The following CALCRL variants were observed in gnomAD, a reference collection of about 807,000 sequenced individuals.
CALCRL encodes the protein calcitonin receptor like receptor, also known as calcitonin gene-related peptide type 1 receptor.
CALCRL carries 27 observed loss-of-function variants against 60.4 expected under a neutral mutation model. The observed-to-expected ratio is 0.45, with a 90% CI of 0.33 to 0.62. CALCRL has a LOEUF of 0.62. CALCRL is among the 20% of genes least tolerant of loss of function. The probability of loss-of-function intolerance (pLI) is 0.03; values close to 1 mark genes in which losing one functional copy is unlikely to be tolerated. For missense variants in CALCRL, 424 were observed against 540.7 expected, an observed-to-expected ratio of 0.78 and a Z score of 2.14; for synonymous variants, 190 against 182.6, an observed-to-expected ratio of 1.04 and a Z score of -0.33.
At chr2:187,431,415 G>A (rs75146593) in intron 1 of CALCRL, 1,655 of 154,824 alleles carry the variant, frequency 0.011, 32 homozygotes, top group African/African-American at 0.038. Flanking sequence ...ATGAGTGGAT[G>A]GTGGGATTTC....
chr2:187,403,812 C>T (rs986419484), intron 1 of CALCRL, among the ~76,000 whole-genome samples: 12 of 151,778 alleles, frequency 7.9e-5, no homozygotes, highest in Admixed American at 1.3e-4. Flanking sequence ...ACATACCAAA[C>T]GCAGCTTATT....
At chr2:187,373,981 TC>T (rs1559048774) in intron 8 of CALCRL, among the ~76,000 whole-genome samples, 1 of 151,918 alleles carries the variant, frequency 6.6e-6, no homozygotes, top group East Asian at 1.9e-4. Context: ...GGCAATATAA[TC>T]AAACCCTATC....
At chr2:187,380,012 A>G (rs1253755228) in intron 7 of CALCRL, among the ~76,000 whole-genome samples, 1 of 152,166 alleles carries the variant, frequency 6.6e-6, no homozygotes, top group Non-Finnish European at 1.5e-5. Flanking sequence ...GTAGTGTTTA[A>G]GGATGCGATA....
chr2:187,439,502 C>A (rs1252005376), intron 1 of CALCRL, among the ~76,000 whole-genome samples: 4 of 151,102 alleles, frequency 2.6e-5, no homozygotes, highest in Admixed American at 6.6e-5. Flanking sequence ...AACAAACAAA[C>A]AAAAAACCAA....
chr2:187,383,144 T>G, intron 5 of CALCRL, 29 bp downstream of exon 5: 2 of 1,599,618 alleles, frequency 1.3e-6, no homozygotes, highest in Non-Finnish European at 1.7e-6. Context: ...ATATGTCAAA[T>G]GCATTTACAA....
chr2:187,420,589 A>G (rs1689826003), intron 1 of CALCRL, among the ~76,000 whole-genome samples: 1 of 152,154 alleles, frequency 6.6e-6, no homozygotes, highest in African/African-American at 2.4e-5. Context: ...TGGAAGTCCA[A>G]AATTGATGGT....
intron 1 of CALCRL, among the ~76,000 whole-genome samples, chr2:187,419,361 C>A (rs919401694): frequency 6.6e-6 from 1 of 152,104 alleles, no homozygotes; most frequent in Non-Finnish European, 1.5e-5. Context: ...TATGCAAACA[C>A]CCCTGTGAGG....
chr2:187,383,359 G>A, intron 4 of CALCRL, 54 bp from the exon 5 acceptor site: 2 of 1,485,620 alleles, frequency 1.3e-6, no homozygotes, highest in South Asian at 2.5e-5. Flanking sequence ...TTATGAAAAT[G>A]TGTTTGTCAA....
Position 187,343,339 on chromosome 2 carries a change from A to G in CALCRL, c.*2845T>C, listed in dbSNP as rs1009150261. 1 of 151,872 alleles carries G rather than the reference A, an allele frequency of 6.6e-6. No individual in the cohort carries two copies. Among genetic ancestry groups the G allele is most frequent in the Non-Finnish European group, 1.5e-5 (1 of 67,562 alleles). The allele number at this position is 151,872 out of a possible 1,614,324, so 9.4% of individuals were successfully genotyped here. On this transcript the variant is annotated 3_prime_UTR_variant, in exon 15 of 15. Coordinates refer to ENST00000392370, the MANE Select transcript of CALCRL (RefSeq NM_005795.6). Reference sequence around the variant, plus strand: ...ATATTTTCATACAATCAAAAAATAGAGATATACTCTAGGCATAACATAAAT... The same window carrying G: ...ATATTTTCATACAATCAAAAAATAGGGATATACTCTAGGCATAACATAAAT...
chr2:187,413,867 G>A (rs1689471512), intron 1 of CALCRL, among the ~76,000 whole-genome samples: 1 of 152,048 alleles, frequency 6.6e-6, no homozygotes, highest in African/African-American at 2.4e-5. Flanking sequence ...CATTGATTGA[G>A]GCTGTATTGT....
Position 187,351,187 on chromosome 2 carries a change from A to G in CALCRL, c.1170+733T>C, listed in dbSNP as rs1686513224. Among the ~76,000 whole-genome samples, 2 of 11,728 alleles carry G rather than the reference A, an allele frequency of 1.7e-4. 1 individual carries two copies. Among genetic ancestry groups the G allele is most frequent in the South Asian group, 3.8e-3 (2 of 528 alleles). 7.7% of individuals were successfully genotyped at this position (11,728 alleles called of 152,430 possible). The stretch of plus-strand genomic sequence containing the variant: ...GTAGTCCCAGCTACTCGGGAGGCTG[A>G]GGCAGGAGAATGGCGTGAACCTGGG... On this transcript the variant is annotated intron_variant, in intron 14 of 14. Coordinates refer to ENST00000392370, the MANE Select transcript of CALCRL (RefSeq NM_005795.6).
intron 1 of CALCRL, among the ~76,000 whole-genome samples, chr2:187,421,372 C>T (rs1323548717): frequency 2.0e-5 from 3 of 152,132 alleles, no homozygotes; most frequent in Non-Finnish European, 4.4e-5. Context: ...TTATTTGCAC[C>T]TCAGAACATG....
chr2:187,353,217 A>AT (rs910932637), intron 12 of CALCRL, among the ~76,000 whole-genome samples: 24 of 151,744 alleles, frequency 1.6e-4, no homozygotes, highest in African/African-American at 5.8e-4. Flanking sequence ...ACTTTGGTCC[A>AT]TTTTCTCTAT....
chr2:187,416,958 T>C (rs1454415091), intron 1 of CALCRL, among the ~76,000 whole-genome samples: 2 of 152,106 alleles, frequency 1.3e-5, no homozygotes, highest in Non-Finnish European at 2.9e-5. Context: ...AAAAAATAAA[T>C]GCACTAAATA....
chr2:187,346,169 A>G lies in CALCRL; in HGVS notation c.*15T>C, dbSNP rs192848670. Reference sequence around the variant, plus strand: ...AGGAGAAGCACAAAACAGTGAGACAACCATCCTTCTATTTTCAATTATATA... The same window carrying G: ...AGGAGAAGCACAAAACAGTGAGACAGCCATCCTTCTATTTTCAATTATATA... On this transcript the variant is annotated 3_prime_UTR_variant, in exon 15 of 15. Transcript: ENST00000392370. 7.0e-5 allele frequency: 106 copies of G among 1,515,476 alleles called. No homozygotes were observed. In the African/African-American group the frequency reaches 1.1e-3, roughly 16 times the overall value. The allele number at this position is 1,515,476 out of a possible 1,614,324, so 93.9% of individuals were successfully genotyped here.
intron 1 of CALCRL, among the ~76,000 whole-genome samples, chr2:187,439,502 C>CA (rs1220365788): frequency 6.6e-6 from 1 of 151,102 alleles, no homozygotes; most frequent in African/African-American, 2.4e-5. Context: ...AACAAACAAA[C>CA]AAAAAACCAA....
rs533934717 is a variant in CALCRL, at chr2:187,373,765, T to C, written c.500+5175A>G. ...GTAGATACTAATATGATCTGCATTT[T>C]TAATATGTATAACTGAGGATTAGAA... On this transcript the variant is annotated intron_variant, in intron 8 of 14. Coordinates refer to ENST00000392370, the MANE Select transcript of CALCRL (RefSeq NM_005795.6). Among the ~76,000 whole-genome samples the C allele has an allele frequency of 4.6e-5, 7 of 152,308 alleles. No homozygotes were observed. The East Asian group carries it at 1.2e-3, about 25-fold the overall frequency.
At chr2:187,365,250 C>A (rs1473739231) in intron 8 of CALCRL, among the ~76,000 whole-genome samples, 1 of 152,100 alleles carries the variant, frequency 6.6e-6, no homozygotes, top group Non-Finnish European at 1.5e-5. Context: ...ATGTTCTTTT[C>A]AAATCAGTTA....
intron 9 of CALCRL, among the ~76,000 whole-genome samples, chr2:187,360,997 T>A (rs73979871): frequency 1.2e-4 from 18 of 152,172 alleles, no homozygotes; most frequent in African/African-American, 4.3e-4. Context: ...CTAAATCTAC[T>A]TTATTTAGTG....
Sources: allele counts gnomAD v4.1 joint callset (sites outside exome capture counted in the v4.1 genomes callset), GRCh38; gene constraint gnomAD v4.1.1; transcripts MANE v1.5; gene names NCBI Gene and HGNC (gene_info 2026-07-23, HGNC 2026-07-21).